CHST15: variants seen among roughly 807,000 people sequenced by gnomAD.
The protein encoded by CHST15 is carbohydrate sulfotransferase 15.
CHST15 carries 30 observed loss-of-function variants against 53.6 expected under a neutral mutation model. That is an observed-to-expected ratio of 0.56 (90% CI 0.42 to 0.76). The LOEUF (loss-of-function observed/expected upper bound fraction) is 0.76. Ranked by LOEUF, CHST15 falls within the 30% of genes least tolerant of loss-of-function variation. CHST15 has a pLI of 0.00. For synonymous variants in CHST15, 296 were observed against 289.8 expected (o/e 1.02, Z -0.22); for missense variants, 627 against 740.5 (o/e 0.85, Z 1.78).
intron 3 of CHST15, among the ~76,000 whole-genome samples, chr10:124,042,919 G>C (rs538356090): frequency 1.3e-5 from 2 of 152,132 alleles, no homozygotes; most frequent in Non-Finnish European, 2.9e-5. Context: ...CCTTCCTCAT[G>C]GGGCCCAGCC....
chr10:124,031,555 G>A (rs1405229420), intron 5 of CHST15, among the ~76,000 whole-genome samples: 2 of 152,144 alleles, frequency 1.3e-5, no homozygotes, highest in Non-Finnish European at 2.9e-5. Context: ...ATGAAAACAC[G>A]GGATTATAAC....
At position 124,007,701 on chromosome 10, in the gene CHST15, C is replaced by A. The variant is rs767533619; in HGVS notation, c.*2448G>T. 9.8e-6 allele frequency: 12 copies of A among 1,223,796 alleles called. No individual in the cohort carries two copies. Among genetic ancestry groups the A allele is most frequent in the Non-Finnish European group, 1.2e-5 (12 of 983,758 alleles). 75.8% of individuals were successfully genotyped at this position (1,223,796 alleles called of 1,614,324 possible). ...AGAGGAAGAGCACGCGCTCCACAGG[C>A]GTCACTCTTATGGGTCCATCTTTAA... On this transcript the variant is annotated 3_prime_UTR_variant, in exon 8 of 8. Coordinates refer to ENST00000435907, the MANE Select transcript of CHST15 (RefSeq NM_001270764.2).
intron 6 of CHST15, among the ~76,000 whole-genome samples, chr10:124,018,797 G>A (rs371801947): frequency 6.6e-6 from 1 of 152,180 alleles, no homozygotes; most frequent in Non-Finnish European, 1.5e-5. Flanking sequence ...CCCAGAGAGA[G>A]GGAAGCTGTG....
intron 1 of CHST15, among the ~76,000 whole-genome samples, chr10:124,070,779 C>G (rs1332183920): frequency 1.3e-5 from 2 of 152,152 alleles, no homozygotes; most frequent in African/African-American, 2.4e-5. Flanking sequence ...ATCTCGCAGG[C>G]TGGTGGGGAG....
At chr10:124,073,004 C>T (rs1214262731) in intron 1 of CHST15, among the ~76,000 whole-genome samples, 1 of 152,146 alleles carries the variant, frequency 6.6e-6, no homozygotes, top group Non-Finnish European at 1.5e-5. Flanking sequence ...GAGACTCATA[C>T]GCTGCTGATG....
At chr10:124,055,114 C>T (rs1237988077) in intron 1 of CHST15, among the ~76,000 whole-genome samples, 2 of 152,172 alleles carry the variant, frequency 1.3e-5, no homozygotes, top group East Asian at 3.8e-4. Flanking sequence ...CCCAGAGACT[C>T]CCCTAGAAAT....
In CHST15 at chr10:124,008,554, C is replaced by T. The variant is rs887099272; in HGVS notation, c.*1595G>A. On this transcript the variant is annotated 3_prime_UTR_variant, in exon 8 of 8. Transcript: ENST00000435907. The stretch of plus-strand genomic sequence containing the variant: ...GCAAAAACAGCCCTGGCCATCCTGG[C>T]GCTCAGAGCCCTCTGCACACCTTCG... 60 of 991,474 alleles carry T rather than the reference C, an allele frequency of 6.1e-5. No homozygotes were observed. Among genetic ancestry groups the T allele is most frequent in the Admixed American group, 1.2e-4 (2 of 17,064 alleles). 61.4% of individuals were successfully genotyped at this position (991,474 alleles called of 1,614,324 possible).
At chr10:124,032,055 A>T (rs1564865248) in intron 5 of CHST15, among the ~76,000 whole-genome samples, 3 of 152,234 alleles carry the variant, frequency 2.0e-5, no homozygotes, top group Admixed American at 2.0e-4. Flanking sequence ...CTGTGTCCCC[A>T]TGAGTGACTG....
chr10:124,037,931 G>A (rs1947571003), intron 5 of CHST15, among the ~76,000 whole-genome samples: 2 of 152,204 alleles, frequency 1.3e-5, no homozygotes, highest in East Asian at 1.9e-4. Context: ...CCAAGGAACC[G>A]TCCTGTGCCC....
At position 124,044,746 on chromosome 10, in the gene CHST15, C is replaced by T. The variant is rs61740033; in HGVS notation, c.720G>A (p.Leu240=). The T allele has an allele frequency of 2.4e-3, 3,828 of 1,613,172 alleles. 77 individuals carry two copies. In the African/African-American group the frequency reaches 0.045, roughly 19 times the overall value. The change falls in exon 3 of 8, where the codon CTG becomes CTA. Residue 240 remains leucine (L), a synonymous_variant. Transcript: ENST00000435907. The part of the protein sequence containing the change: ...DALRKAFWGH[L]AHAHGKHFRL... Reference sequence around the variant, plus strand: ...GGAAGTGCTTCCCGTGCGCGTGCGCCAGGTGGCCCCAGAAGGCCTTGCGCA... The same window carrying T: ...GGAAGTGCTTCCCGTGCGCGTGCGCTAGGTGGCCCCAGAAGGCCTTGCGCA...
At chr10:124,016,394 G>C (rs749986980) in intron 6 of CHST15, among the ~76,000 whole-genome samples, 5 of 152,180 alleles carry the variant, frequency 3.3e-5, no homozygotes, top group Admixed American at 6.5e-5. Context: ...TGATTGCCTG[G>C]CTCTTTCTCT....
At chr10:124,016,710 G>A (rs778172353) in intron 6 of CHST15, among the ~76,000 whole-genome samples, 1 of 152,190 alleles carries the variant, frequency 6.6e-6, no homozygotes, top group Non-Finnish European at 1.5e-5. Flanking sequence ...TAACCTCTGT[G>A]AGCCTCAGTC....
At chr10:124,018,614 G>T (rs76232107) in intron 6 of CHST15, among the ~76,000 whole-genome samples, 3,454 of 152,278 alleles carry the variant, frequency 0.023, 117 homozygotes, top group African/African-American at 0.076. Flanking sequence ...GAGGAGGAGG[G>T]GACAGGGAGG....
intron 3 of CHST15, among the ~76,000 whole-genome samples, chr10:124,043,659 G>A (rs974966243): frequency 1.8e-4 from 28 of 152,366 alleles, no homozygotes; most frequent in African/African-American, 6.5e-4. Flanking sequence ...GAGGACCGCA[G>A]GGTGCATGGG....
At chr10:124,013,407 T>A (rs1353139723) in intron 6 of CHST15, among the ~76,000 whole-genome samples, 1 of 152,210 alleles carries the variant, frequency 6.6e-6, no homozygotes. Flanking sequence ...CCATGGCCAG[T>A]GGCACTAACA....
chr10:124,044,667 T>C lies in CHST15; in HGVS notation c.799A>G (p.Thr267Ala). The C allele has an allele frequency of 6.2e-7, 1 of 1,613,222 alleles. No homozygotes were observed. The highest frequency in any genetic ancestry group is 8.5e-7 in the Non-Finnish European group (1 of 1,179,540). ...AGCCGCAGGCGGTCATAGAGGTCTG[T>C]GGTCCCGCACTTGGGCTGCCCTATG... is the stretch of plus-strand genomic sequence containing the variant. The part of the protein sequence containing the change: ...YIIGQPKCGT[T>A]DLYDRLRLHP... Residue 267 changes from threonine (T) to alanine (A), a missense_variant, in exon 3 of 8, where the codon ACA (threonine) becomes GCA (alanine). By Grantham distance (58) the Thr-to-Ala change is moderately conservative. Around this residue, in one of 3 missense-constraint regions of CHST15, gnomAD observed 161 missense variants for 117.2 expected, o/e 1.37. Transcript: ENST00000435907.
intron 5 of CHST15, among the ~76,000 whole-genome samples, chr10:124,035,338 A>AC (rs1947443931): frequency 2.9e-5 from 3 of 102,062 alleles, no homozygotes; most frequent in African/African-American, 7.8e-5. Flanking sequence ...CCCTGGCTCC[A>AC]CCCCTAACAG....
intron 1 of CHST15, among the ~76,000 whole-genome samples, chr10:124,087,189 C>T (rs1949458488): frequency 6.6e-6 from 1 of 152,152 alleles, no homozygotes; most frequent in Admixed American, 6.5e-5. Flanking sequence ...GGCCTCCTAG[C>T]AAAGGTGCCA....
Position 124,021,246 on chromosome 10 carries a change from G to GGT in CHST15, c.1347+9_1347+10insAC. On this transcript the variant is annotated intron_variant, in intron 6 of 7. Coordinates refer to ENST00000435907, the MANE Select transcript of CHST15 (RefSeq NM_001270764.2). ...CCAGCTCGGGGGGTACGGGGGGGGG[G>GGT]GGTACACACAGGCATGGCGTTGTTG... 1.3e-6 allele frequency: 2 copies of GGT among 1,562,666 alleles called. No homozygotes were observed. The highest frequency in any genetic ancestry group is 1.7e-6 in the Non-Finnish European group (2 of 1,144,760).
Sources: allele counts gnomAD v4.1 joint callset (sites outside exome capture counted in the v4.1 genomes callset), GRCh38; gene constraint gnomAD v4.1.1; regional missense constraint gnomAD v4.1.1; transcripts MANE v1.5; gene names NCBI Gene and HGNC (gene_info 2026-07-23, HGNC 2026-07-21).